Variants in MYRIP observed in about 807,000 individuals in gnomAD.
The protein encoded by MYRIP is myosin VIIA and Rab interacting protein, also known as rab effector MyRIP.
A neutral mutation model predicts 98.0 loss-of-function variants in MYRIP; 49 were observed. That is an observed-to-expected ratio of 0.50 (90% CI 0.40 to 0.63). The LOEUF is 0.63. Among genes scored for constraint, MYRIP ranks in the 30% least tolerant of loss-of-function variants. The pLI, the probability that MYRIP is intolerant of heterozygous loss-of-function variation, is 0.00. For synonymous variants in MYRIP, 404 were observed against 409.5 expected (o/e 0.99, Z 0.16); for missense variants, 1,004 against 1,058.2 (o/e 0.95, Z 0.71).
At chr3:39,920,562 AC>A (rs1260631496) in intron 2 of MYRIP, among the ~76,000 whole-genome samples, 1 of 152,162 alleles carries the variant, frequency 6.6e-6, no homozygotes, top group Non-Finnish European at 1.5e-5. Context: ...TTCCCTGCAT[AC>A]CTTCTGCAGG....
intron 16 of MYRIP, among the ~76,000 whole-genome samples, chr3:40,256,594 T>C (rs187177298): frequency 6.6e-6 from 1 of 152,072 alleles, no homozygotes; most frequent in East Asian, 1.9e-4. Flanking sequence ...TAAAAGGATG[T>C]CAATTTTTTA....
intron 2 of MYRIP, among the ~76,000 whole-genome samples, chr3:39,930,739 A>G (rs1331896650): frequency 6.6e-6 from 1 of 151,990 alleles, no homozygotes; most frequent in African/African-American, 2.4e-5. Context: ...ATTCTTTTGC[A>G]TGTGGATGTC....
At chr3:39,847,059 G>T (rs62261646) in intron 1 of MYRIP, among the ~76,000 whole-genome samples, 43,643 of 152,020 alleles carry the variant, frequency 0.29, 6,491 homozygotes, top group South Asian at 0.36. Flanking sequence ...TTAATGCCAA[G>T]CTCATCCAAA....
intron 3 of MYRIP, among the ~76,000 whole-genome samples, chr3:40,150,636 G>C (rs1353142362): frequency 2.0e-5 from 3 of 152,222 alleles, no homozygotes; most frequent in African/African-American, 7.2e-5. Flanking sequence ...GCTCTTTGGA[G>C]TGACTCAGTG....
Position 39,964,141 on chromosome 3 carries a change from T to C in MYRIP, c.110+63215T>C. Among the ~76,000 whole-genome samples the C allele has an allele frequency of 1.3e-5, 2 of 152,134 alleles. 1 individual carries two copies. The highest frequency in any genetic ancestry group is 2.9e-5 in the Non-Finnish European group (2 of 68,014). ...GATGCATTTAAAATGGGAAAATATT[T>C]ATTTTCATCTTCTTTATCTTTCTTT... On this transcript the variant is annotated intron_variant, in intron 2 of 16. Transcript: ENST00000302541.
At chr3:40,228,641 G>C (rs1251358486) in intron 11 of MYRIP, among the ~76,000 whole-genome samples, 3 of 152,150 alleles carry the variant, frequency 2.0e-5, no homozygotes, top group African/African-American at 4.8e-5. Flanking sequence ...TCTTGTTCTT[G>C]TTATAGGTGT....
chr3:39,876,870 T>A (rs2125638226), intron 1 of MYRIP, among the ~76,000 whole-genome samples: 1 of 152,262 alleles, frequency 6.6e-6, no homozygotes, highest in Admixed American at 6.5e-5. Flanking sequence ...CTGTATTTCC[T>A]GAATCTGAAT....
At chr3:39,837,517 G>C (rs925916516) in intron 1 of MYRIP, among the ~76,000 whole-genome samples, 4 of 152,150 alleles carry the variant, frequency 2.6e-5, no homozygotes, top group African/African-American at 9.7e-5. Flanking sequence ...TCACAGATCA[G>C]ATGGCTGTAG....
At chr3:40,244,421 C>A in intron 12 of MYRIP, 25 bp from the exon 13 acceptor site, 1 of 1,584,786 alleles carries the variant, frequency 6.3e-7, no homozygotes. Flanking sequence ...CAGACATGAA[C>A]TCAAATGTAG....
intron 11 of MYRIP, among the ~76,000 whole-genome samples, chr3:40,214,875 G>A (rs1952071590): frequency 6.6e-6 from 1 of 152,078 alleles, no homozygotes; most frequent in South Asian, 2.1e-4. Context: ...AAGGACTCCT[G>A]GCCTGAGTTT....
rs1943824178 is a variant in MYRIP at position 39,904,329 on chromosome 3, G to A, written c.110+3403G>A. 3.9e-5 allele frequency among the ~76,000 whole-genome samples: 6 copies of A among 152,030 alleles called. No homozygotes were observed. In the South Asian group the frequency reaches 1.0e-3, roughly 26 times the overall value. ...TGGCACGATGCAACCTCTGTCTCCCGGGTTCAAGAAATTCTCCTGCCTCGA... is the reference window on the plus strand; with the variant it reads ...TGGCACGATGCAACCTCTGTCTCCCAGGTTCAAGAAATTCTCCTGCCTCGA... On this transcript the variant is annotated intron_variant, in intron 2 of 16. Transcript: ENST00000302541.
At chr3:39,916,132 C>T (rs777455220) in intron 2 of MYRIP, among the ~76,000 whole-genome samples, 2 of 151,948 alleles carry the variant, frequency 1.3e-5, no homozygotes, top group Non-Finnish European at 1.5e-5. Flanking sequence ...AGAACAGTCA[C>T]CAGTACTTAG....
At chr3:40,221,775 A>C (rs1188906814) in intron 11 of MYRIP, among the ~76,000 whole-genome samples, 1 of 152,238 alleles carries the variant, frequency 6.6e-6, no homozygotes, top group East Asian at 1.9e-4. Context: ...TTGATCTGGC[A>C]ATTGTACTTT....
intron 3 of MYRIP, among the ~76,000 whole-genome samples, chr3:40,136,282 A>C (rs561429242): frequency 6.6e-6 from 1 of 152,236 alleles, no homozygotes; most frequent in South Asian, 2.1e-4. Flanking sequence ...CAAAAGAGAC[A>C]AAGAAGGCCA....
chr3:40,085,780 A>T (rs1246104125), intron 3 of MYRIP, among the ~76,000 whole-genome samples: 1 of 152,194 alleles, frequency 6.6e-6, no homozygotes, highest in Admixed American at 6.5e-5. Context: ...GAAGAGTAAA[A>T]ATATGGGTAC....
intron 2 of MYRIP, among the ~76,000 whole-genome samples, chr3:39,916,286 C>G (rs896405552): frequency 2.6e-5 from 4 of 151,932 alleles, no homozygotes; most frequent in Non-Finnish European, 4.4e-5. Context: ...GACAGTAACA[C>G]TGTCTCAACT....
chr3:39,827,958 T>C (rs910495987), intron 1 of MYRIP, among the ~76,000 whole-genome samples: 2 of 152,186 alleles, frequency 1.3e-5, no homozygotes, highest in South Asian at 2.1e-4. Context: ...AGTCTACTCT[T>C]AGTCTCATGG....
Position 39,904,365 on chromosome 3 carries a change from A to G in MYRIP, c.110+3439A>G, listed in dbSNP as rs117105455. Among the ~76,000 whole-genome samples, 1,116 of 152,116 alleles carry G rather than the reference A, an allele frequency of 7.3e-3. 24 individuals carry two copies. In the East Asian group the frequency reaches 0.089, roughly 12 times the overall value. ...ATTCTCCTGCCTCGACCTCTTGAGT[A>G]GCTGGGATTACAGGTGCAAGCTCTC... On this transcript the variant is annotated intron_variant, in intron 2 of 16. Coordinates refer to ENST00000302541, the MANE Select transcript of MYRIP (RefSeq NM_015460.4).
intron 3 of MYRIP, among the ~76,000 whole-genome samples, chr3:40,069,599 C>T (rs375801240): frequency 2.6e-5 from 4 of 152,224 alleles, no homozygotes; most frequent in African/African-American, 7.2e-5. Flanking sequence ...TTCCTTTCCT[C>T]CCCCAGCTCC....
Sources: allele counts gnomAD v4.1 joint callset (sites outside exome capture counted in the v4.1 genomes callset), GRCh38; gene constraint gnomAD v4.1.1; transcripts MANE v1.5; gene names NCBI Gene and HGNC (gene_info 2026-07-23, HGNC 2026-07-21).